The following SMAD3 variants were observed in gnomAD, a reference collection of about 807,000 sequenced individuals.
SMAD3 encodes SMAD family member 3, also known as MAD homolog 3.
SMAD3 carries 12 observed loss-of-function variants against 51.8 expected under a neutral mutation model. That is an observed-to-expected ratio of 0.23 (90% CI 0.15 to 0.38). The LOEUF (loss-of-function observed/expected upper bound fraction) is 0.38, where lower values mean the gene tolerates loss of function less well. Among genes scored for constraint, SMAD3 ranks in the 10% least tolerant of loss-of-function variants. The pLI is 1.00. For missense variants in SMAD3, 294 were observed against 565.6 expected, an observed-to-expected ratio of 0.52 and a Z score of 4.87; for synonymous variants, 238 against 227.7, an observed-to-expected ratio of 1.05 and a Z score of -0.41.
intron 1 of SMAD3, among the ~76,000 whole-genome samples, chr15:67,152,081 G>C (rs1962162647): frequency 6.6e-6 from 1 of 152,110 alleles, no homozygotes; most frequent in African/African-American, 2.4e-5. Context: ...CACTAGAACT[G>C]ATTTTTCCTC....
intron 1 of SMAD3, among the ~76,000 whole-genome samples, chr15:67,113,738 A>G (rs1006747246): frequency 6.6e-6 from 1 of 152,188 alleles, no homozygotes; most frequent in Non-Finnish European, 1.5e-5. Context: ...AAATATAAGC[A>G]TATTTCTCCC....
chr15:67,133,446 C>T (rs567902014), intron 1 of SMAD3, among the ~76,000 whole-genome samples: 6 of 151,776 alleles, frequency 4.0e-5, no homozygotes, highest in Non-Finnish European at 8.8e-5. Context: ...GGATGGGCTG[C>T]GTTTCTGTTT....
At chr15:67,189,262 G>A (rs1037671443) in intron 8 of SMAD3, among the ~76,000 whole-genome samples, 3 of 152,124 alleles carry the variant, frequency 2.0e-5, no homozygotes, top group African/African-American at 7.2e-5. Flanking sequence ...AGGTACCCTC[G>A]CTCGTGCAGA....
intron 1 of SMAD3, among the ~76,000 whole-genome samples, chr15:67,077,697 A>C (rs763920637): frequency 6.6e-5 from 10 of 152,158 alleles, no homozygotes; most frequent in Non-Finnish European, 7.3e-5. Flanking sequence ...GGCAATACTC[A>C]ATTGGGGCCT....
At chr15:67,136,698 A>G (rs539598847) in intron 1 of SMAD3, among the ~76,000 whole-genome samples, 2 of 152,336 alleles carry the variant, frequency 1.3e-5, no homozygotes, top group East Asian at 1.9e-4. Context: ...CCACTTTAAC[A>G]TAACTGTAAT....
intron 1 of SMAD3, among the ~76,000 whole-genome samples, chr15:67,151,887 C>T (rs1281167498): frequency 6.6e-6 from 1 of 151,926 alleles, no homozygotes; most frequent in Admixed American, 6.6e-5. Flanking sequence ...ATGTATGTTA[C>T]TATATAAGCA....
At position 67,193,576 on chromosome 15, in the gene SMAD3, G is replaced by C; in HGVS notation, c.*3040G>C. 1 of 180,848 alleles carries C rather than the reference G, an allele frequency of 5.5e-6. No individual in the cohort carries two copies. Among genetic ancestry groups the C allele is most frequent in the East Asian group, 6.7e-5 (1 of 14,856 alleles). 11.2% of individuals were successfully genotyped at this position (180,848 alleles called of 1,614,324 possible). On this transcript the variant is annotated 3_prime_UTR_variant, in exon 9 of 9. Coordinates refer to ENST00000327367, the MANE Select transcript of SMAD3 (RefSeq NM_005902.4). ...CACCTTCCTGGCAGGCTGTAGACCT[G>C]ACATTTTGAGACAAGCCTAGAGGAG... is the stretch of plus-strand genomic sequence containing the variant.
chr15:67,103,813 G>A (rs964069717), intron 1 of SMAD3, among the ~76,000 whole-genome samples: 4 of 152,192 alleles, frequency 2.6e-5, no homozygotes, highest in African/African-American at 9.7e-5. Flanking sequence ...TGACATTACC[G>A]TGAGTGACCA....
chr15:67,094,372 C>T (rs188821748), intron 1 of SMAD3, among the ~76,000 whole-genome samples: 8 of 152,332 alleles, frequency 5.3e-5, no homozygotes, highest in African/African-American at 1.7e-4. Context: ...CATCCCACCC[C>T]GTGGCTCCTC....
chr15:67,158,373 C>G (rs1296724338), intron 1 of SMAD3, among the ~76,000 whole-genome samples: 1 of 152,182 alleles, frequency 6.6e-6, no homozygotes, highest in Non-Finnish European at 1.5e-5. Context: ...GACTCCGAAC[C>G]AAGAGGTGTT....
chr15:67,094,354 C>T (rs1348468261), intron 1 of SMAD3, among the ~76,000 whole-genome samples: 1 of 152,236 alleles, frequency 6.6e-6, no homozygotes, highest in East Asian at 1.9e-4. Context: ...CTGGGCCCCT[C>T]ATCCCACCAT....
chr15:67,135,385 G>GGT (rs1396014832), intron 1 of SMAD3, among the ~76,000 whole-genome samples: 1 of 152,148 alleles, frequency 6.6e-6, no homozygotes, highest in Non-Finnish European at 1.5e-5. Flanking sequence ...TTTGCCCCTT[G>GGT]GAAGCTTGGT....
chr15:67,109,870 C>T (rs913552887), intron 1 of SMAD3, among the ~76,000 whole-genome samples: 5 of 152,312 alleles, frequency 3.3e-5, no homozygotes, highest in African/African-American at 9.6e-5. Flanking sequence ...CGTGCCAGCC[C>T]GCTCCTCCTC....
At chr15:67,160,208 G>C (rs544026337) in intron 1 of SMAD3, among the ~76,000 whole-genome samples, 1 of 152,264 alleles carries the variant, frequency 6.6e-6, no homozygotes, top group Admixed American at 6.5e-5. Flanking sequence ...TTTTAGAAAG[G>C]AACTTCCAAG....
At chr15:67,147,685 A>G (rs1424199388) in intron 1 of SMAD3, among the ~76,000 whole-genome samples, 2 of 152,142 alleles carry the variant, frequency 1.3e-5, no homozygotes, top group Non-Finnish European at 2.9e-5. Context: ...TCTACCAGCC[A>G]CAGATGTGAG....
At chr15:67,088,794 G>T (rs1960449870) in intron 1 of SMAD3, among the ~76,000 whole-genome samples, 2 of 152,176 alleles carry the variant, frequency 1.3e-5, no homozygotes, top group Non-Finnish European at 2.9e-5. Flanking sequence ...AGGTGTGGTG[G>T]CGGGTGCCTG....
intron 1 of SMAD3, among the ~76,000 whole-genome samples, chr15:67,143,317 T>C (rs1053470821): frequency 3.3e-5 from 5 of 152,244 alleles, no homozygotes; most frequent in Admixed American, 1.3e-4. Context: ...TGTTTTAGTA[T>C]TTAGAGTTTG....
chr15:67,183,032 T>TATATATATATATATATATATA (rs59673693), intron 6 of SMAD3, among the ~76,000 whole-genome samples: 2 of 31,030 alleles, frequency 6.4e-5, no homozygotes, highest in Non-Finnish European at 5.3e-5. Context: ...TATATATATA[T>TATATATATATATATATATATA]TTTTTTTTTT....
rs1963378757 is a variant in SMAD3 at position 67,191,954 on chromosome 15, GTCC to G, written c.*1421_*1423del. 8.7e-6 allele frequency: 2 copies of G among 229,134 alleles called. No individual in the cohort carries two copies. The highest frequency in any genetic ancestry group is 2.2e-5 in the African/African-American group (1 of 45,110). The allele number at this position is 229,134 out of a possible 1,614,324, so 14.2% of individuals were successfully genotyped here. On this transcript the variant is annotated 3_prime_UTR_variant, in exon 9 of 9. Coordinates refer to ENST00000327367, the MANE Select transcript of SMAD3 (RefSeq NM_005902.4). ...TTTCAACTGGAAAAAAGAAAAAAGA[GTCC>G]TCTTCTTTTCCCAGCCTTTTGCAGA...
Sources: gnomAD v4.1 joint callset for allele counts (sites outside exome capture counted in the v4.1 genomes callset) on GRCh38, gnomAD v4.1.1 for gene constraint, MANE v1.5 for transcripts, NCBI Gene and HGNC (gene_info 2026-07-23, HGNC 2026-07-21) for gene names.